Variants in SPAG17 observed in about 807,000 individuals in gnomAD.
SPAG17 encodes sperm associated antigen 17.
Under a neutral mutation model 273.6 loss-of-function variants are expected in SPAG17, and 169 were observed. That is an observed-to-expected ratio of 0.62 (90% confidence interval 0.55 to 0.70). SPAG17 has a LOEUF of 0.70. SPAG17 is among the 30% of genes least tolerant of loss of function. The probability of loss-of-function intolerance (pLI) is 0.00; values close to 1 mark genes in which losing one functional copy is unlikely to be tolerated. For synonymous variants in SPAG17, 825 were observed against 873.2 expected, an observed-to-expected ratio of 0.94 and a Z score of 0.97; for missense variants, 2,557 against 2,627.8, an observed-to-expected ratio of 0.97 and a Z score of 0.59.
At chr1:118,039,049 T>C (rs1388766909) in intron 23 of SPAG17, among the ~76,000 whole-genome samples, 1 of 152,116 alleles carries the variant, frequency 6.6e-6, no homozygotes, top group East Asian at 1.9e-4. Flanking sequence ...TAACTTCTGT[T>C]CAATTTCATC....
At chr1:118,081,687 C>A in intron 13 of SPAG17, 45 bp from the exon 14 acceptor site, 1 of 1,509,518 alleles carries the variant, frequency 6.6e-7, no homozygotes, top group Non-Finnish European at 9.2e-7. Context: ...TTCTTATTAG[C>A]ACATGGTACA....
At chr1:118,026,870 G>A (rs539240776) in intron 26 of SPAG17, among the ~76,000 whole-genome samples, 26 of 152,264 alleles carry the variant, frequency 1.7e-4, no homozygotes, top group African/African-American at 4.1e-4. Flanking sequence ...AGACTGACCC[G>A]ATGAAGATAT....
intron 3 of SPAG17, among the ~76,000 whole-genome samples, chr1:118,134,056 C>A (rs908304970): frequency 2.6e-5 from 4 of 152,186 alleles, no homozygotes; most frequent in African/African-American, 9.7e-5. Flanking sequence ...ATCAGAAGGA[C>A]TGTAAATTCA....
chr1:118,101,276 T>G (rs914261073), intron 5 of SPAG17, among the ~76,000 whole-genome samples: 6 of 152,046 alleles, frequency 3.9e-5, no homozygotes. Context: ...AGTAAATAAG[T>G]TGGGCATGGT....
At position 118,099,595 on chromosome 1, in the gene SPAG17, A is replaced by G. The variant is rs1200440679; in HGVS notation, c.829+11T>C. Reference sequence around the variant, plus strand: ...TGAAGGACTCAGTAAGTTGTGTAGCAGACTGCATACCTTCTGACTGAAGAA... The same window carrying G: ...TGAAGGACTCAGTAAGTTGTGTAGCGGACTGCATACCTTCTGACTGAAGAA... On this transcript the variant is annotated intron_variant, in intron 6 of 48. Coordinates refer to ENST00000336338, the MANE Select transcript of SPAG17 (RefSeq NM_206996.4). 2 of 1,613,118 alleles carry G rather than the reference A, an allele frequency of 1.2e-6. No individual in the cohort carries two copies. The highest frequency in any genetic ancestry group is 1.1e-5 in the South Asian group (1 of 91,058).
chr1:118,133,952 A>G (rs1244030260), intron 3 of SPAG17, among the ~76,000 whole-genome samples: 3 of 152,212 alleles, frequency 2.0e-5, no homozygotes, highest in African/African-American at 7.2e-5. Context: ...CAGCCAATCA[A>G]AATATGATTA....
At chr1:118,050,040 G>A (rs750735729) in intron 20 of SPAG17, among the ~76,000 whole-genome samples, 1 of 152,174 alleles carries the variant, frequency 6.6e-6, no homozygotes, top group African/African-American at 2.4e-5. Flanking sequence ...ACTGGTATAT[G>A]ACCTTTCTCT....
At chr1:118,023,272 T>A (rs370958284) in intron 28 of SPAG17, 32 bp downstream of exon 28, 9 of 1,577,708 alleles carry the variant, frequency 5.7e-6, no homozygotes, top group Non-Finnish European at 7.8e-6. Context: ...CTTTACTAAA[T>A]CCATAATAAA....
At chr1:118,097,377 A>T (rs1336282369) in intron 7 of SPAG17, among the ~76,000 whole-genome samples, 1 of 152,248 alleles carries the variant, frequency 6.6e-6, no homozygotes, top group Non-Finnish European at 1.5e-5. Flanking sequence ...TGTCTAGAAC[A>T]TTGTTGAGTT....
At chr1:118,056,639 G>A (rs1302174735) in intron 18 of SPAG17, among the ~76,000 whole-genome samples, 6 of 152,110 alleles carry the variant, frequency 3.9e-5, no homozygotes, top group Admixed American at 3.9e-4. Context: ...ATAAAAATTG[G>A]TTATTGTCAA....
intron 3 of SPAG17, among the ~76,000 whole-genome samples, chr1:118,138,019 T>G (rs891065966): frequency 6.6e-6 from 1 of 152,216 alleles, no homozygotes; most frequent in African/African-American, 2.4e-5. Flanking sequence ...TCTGTATTTT[T>G]GTTGCATCTT....
chr1:118,016,112 A>G lies in SPAG17; in HGVS notation c.4140T>C (p.Val1380=), dbSNP rs766138203. ...GEIHDPPPEA[V]QTVTPVEVHI... ...GAACCTCCACAGGAGTTACAGTTTG[A>G]ACTGCCTCTGGAGGAGGGTCATGGA... The change falls in exon 29 of 49, where the codon GTT becomes GTC. Residue 1380 remains valine, a synonymous_variant. Transcript: ENST00000336338. 15 of 1,613,954 alleles carry G rather than the reference A, an allele frequency of 9.3e-6. No individual in the cohort carries two copies. The highest frequency in any genetic ancestry group is 1.7e-5 in the Admixed American group (1 of 59,974).
At chr1:118,083,007 C>T (rs10047258) in intron 13 of SPAG17, among the ~76,000 whole-genome samples, 88,842 of 151,940 alleles carry the variant, frequency 0.58, 26,467 homozygotes, top group African/African-American at 0.69. Flanking sequence ...CTTATTGTTG[C>T]TTTTTGTTTT....
At chr1:118,000,661 C>T (rs187281175) in intron 32 of SPAG17, among the ~76,000 whole-genome samples, 51 of 152,276 alleles carry the variant, frequency 3.3e-4, no homozygotes, top group African/African-American at 1.2e-3. Context: ...GTGATTTTTG[C>T]ACATTGATTT....
intron 1 of SPAG17, among the ~76,000 whole-genome samples, chr1:118,164,926 T>G (rs912746255): frequency 3.9e-5 from 6 of 152,190 alleles, no homozygotes; most frequent in South Asian, 2.1e-4. Context: ...TGGTTACCTG[T>G]GGTATTTCAA....
intron 15 of SPAG17, 100 bp downstream of exon 15, chr1:118,081,001 A>T: frequency 1.1e-6 from 1 of 935,890 alleles, no homozygotes; most frequent in Non-Finnish European, 1.7e-6. Context: ...CAAATAACTT[A>T]AATTCAAATA....
At chr1:118,146,418 C>T (rs543312051) in intron 3 of SPAG17, among the ~76,000 whole-genome samples, 2 of 152,302 alleles carry the variant, frequency 1.3e-5, no homozygotes, top group South Asian at 4.1e-4. Context: ...AGCAAGTATA[C>T]TTAAGTTCAG....
intron 1 of SPAG17, among the ~76,000 whole-genome samples, chr1:118,166,277 G>C (rs1452774159): frequency 6.6e-6 from 1 of 152,146 alleles, no homozygotes; most frequent in Non-Finnish European, 1.5e-5. Flanking sequence ...GGAAAGCCAG[G>C]AAACAGAATT....
At chr1:117,972,957 T>C (rs1654734425) in intron 44 of SPAG17, among the ~76,000 whole-genome samples, 1 of 152,122 alleles carries the variant, frequency 6.6e-6, no homozygotes, top group Non-Finnish European at 1.5e-5. Context: ...AAGAAGCAAA[T>C]GGGGCCTTAT....
Sources: allele counts gnomAD v4.1 joint callset (sites outside exome capture counted in the v4.1 genomes callset), GRCh38; gene constraint gnomAD v4.1.1; transcripts MANE v1.5; gene names NCBI Gene and HGNC (gene_info 2026-07-23, HGNC 2026-07-21).